Variants in KIDINS220 observed in about 807,000 individuals in gnomAD.
The protein encoded by KIDINS220 is kinase D interacting substrate 220.
In KIDINS220, 63 loss-of-function variants were observed where a neutral mutation model predicts 157.6. That is an observed-to-expected ratio of 0.40 (90% CI 0.33 to 0.49). The LOEUF is 0.49. Ranked by LOEUF, KIDINS220 falls within the 20% of genes least tolerant of loss-of-function variation. The pLI is 0.66. For synonymous variants in KIDINS220, 732 were observed against 783.6 expected (o/e 0.93, Z 1.10); for missense variants, 1,772 against 2,171.2 (o/e 0.82, Z 3.65).
At position 8,733,409 on chromosome 2, in the gene KIDINS220, C is replaced by A. The variant is rs762869967; in HGVS notation, c.4053+35G>T. 5.6e-5 allele frequency: 86 copies of A among 1,533,724 alleles called. No individual in the cohort carries two copies. In the South Asian group the frequency reaches 5.9e-4, roughly 10 times the overall value. ...CAGTGAACTGAACGGTGTGCTTATTCTTCAATAATATGAAAAATGCCATTC... is the reference window on the plus strand; with the variant it reads ...CAGTGAACTGAACGGTGTGCTTATTATTCAATAATATGAAAAATGCCATTC... On this transcript the variant is annotated intron_variant, in intron 29 of 29. Transcript: ENST00000256707.
chr2:8,823,618 C>T (rs528856285), intron 2 of KIDINS220, among the ~76,000 whole-genome samples: 34 of 152,226 alleles, frequency 2.2e-4, no homozygotes, highest in African/African-American at 8.2e-4. Flanking sequence ...CAGTGCTTTA[C>T]TCCTTATAGC....
At chr2:8,831,082 G>A (rs1679546690) in intron 1 of KIDINS220, among the ~76,000 whole-genome samples, 1 of 152,202 alleles carries the variant, frequency 6.6e-6, no homozygotes, top group South Asian at 2.1e-4. Flanking sequence ...CCAAGGTTGG[G>A]AGGACAGATG....
intron 22 of KIDINS220, among the ~76,000 whole-genome samples, chr2:8,756,948 T>TA (rs986648377): frequency 6.6e-6 from 1 of 152,214 alleles, no homozygotes; most frequent in Non-Finnish European, 1.5e-5. Flanking sequence ...TAGCTGCAGA[T>TA]AAGTCAGTAA....
chr2:8,810,556 C>T (rs531426861), intron 6 of KIDINS220, among the ~76,000 whole-genome samples: 1 of 152,252 alleles, frequency 6.6e-6, no homozygotes. Flanking sequence ...GAGGCCAAGG[C>T]GGGTGGATCA....
At chr2:8,800,157 G>A in intron 9 of KIDINS220, 1 of 393,696 alleles carries the variant, frequency 2.5e-6, no homozygotes, top group Non-Finnish European at 4.5e-6. Context: ...ATACCCATTA[G>A]TAAGGACAGT....
Position 8,747,187 on chromosome 2 carries a change from C to T in KIDINS220, c.3543G>A (p.Glu1181=). The change falls in exon 26 of 30, where the codon GAG becomes GAA. Residue 1181 remains glutamate, a synonymous_variant. Coordinates refer to ENST00000256707, the MANE Select transcript of KIDINS220 (RefSeq NM_020738.4). ...DQNNGLEVIK[E]DAAEGLSSPT... Reference sequence around the variant, plus strand: ...GTGAAGAAAGCCCCTCAGCAGCATCCTCCTTGATAACTTCCTAACAACACA... The same window carrying T: ...GTGAAGAAAGCCCCTCAGCAGCATCTTCCTTGATAACTTCCTAACAACACA... 1 of 1,614,132 alleles carries T rather than the reference C, an allele frequency of 6.2e-7. No individual in the cohort carries two copies. Among genetic ancestry groups the T allele is most frequent in the Non-Finnish European group, 8.5e-7 (1 of 1,180,028 alleles).
chr2:8,799,810 A>G (rs895769963), intron 9 of KIDINS220, among the ~76,000 whole-genome samples: 3 of 152,222 alleles, frequency 2.0e-5, no homozygotes, highest in Non-Finnish European at 4.4e-5. Context: ...AGACGCCAAG[A>G]ACTTTTTCTA....
chr2:8,729,193 T>C lies in KIDINS220; in HGVS notation c.*1527A>G. 1 of 984,608 alleles carries C rather than the reference T, an allele frequency of 1.0e-6. No individual in the cohort carries two copies. The highest frequency in any genetic ancestry group is 1.7e-5 in the African/African-American group (1 of 57,316). 61.0% of individuals were successfully genotyped at this position (984,608 alleles called of 1,614,324 possible). A position where few individuals can be genotyped will look rare whatever the true frequency, so the allele number is the denominator to read the frequency against. On this transcript the variant is annotated 3_prime_UTR_variant, in exon 30 of 30. Transcript: ENST00000256707. ...TGCTTAAAACATTTGTTAAAGATCA[T>C]GCAAAATAAACACTGTATTAAAATG...
At chr2:8,783,985 A>G (rs1672052613) in intron 17 of KIDINS220, among the ~76,000 whole-genome samples, 2 of 152,196 alleles carry the variant, frequency 1.3e-5, no homozygotes, top group South Asian at 4.1e-4. Context: ...GGAGGAGAAC[A>G]AAATAGGAGG....
chr2:8,786,336 A>G lies in KIDINS220; in HGVS notation c.1809T>C (p.Asn603=), dbSNP rs538280280. 2 of 1,613,416 alleles carry G rather than the reference A, an allele frequency of 1.2e-6. No homozygotes were observed. The highest frequency in any genetic ancestry group is 2.2e-5 in the East Asian group (1 of 44,872). Residue 603 remains asparagine (N), a synonymous_variant, in exon 16 of 30, where the codon AAT becomes AAC. Coordinates refer to ENST00000256707, the MANE Select transcript of KIDINS220 (RefSeq NM_020738.4). The part of the protein sequence containing the change: ...LPVRFLFTDY[N]RLSSVGGETS... ...TTTCTCCACCTACACTGGACAGTCT[A>G]TTGTAATCTGTAAACAAAAACCTTG...
intron 2 of KIDINS220, among the ~76,000 whole-genome samples, chr2:8,820,731 AATC>A (rs1285592779): frequency 6.6e-6 from 1 of 152,196 alleles, no homozygotes; most frequent in Non-Finnish European, 1.5e-5. Flanking sequence ...CTTTTATGAT[AATC>A]ATCACTCTGA....
At chr2:8,770,157 A>C (rs914636485) in intron 22 of KIDINS220, among the ~76,000 whole-genome samples, 8 of 152,208 alleles carry the variant, frequency 5.3e-5, no homozygotes, top group Non-Finnish European at 1.0e-4. Flanking sequence ...TAATCCCAGC[A>C]CTTTGGGAGG....
intron 22 of KIDINS220, chr2:8,757,073 A>G (rs1267189293): frequency 1.2e-5 from 2 of 170,390 alleles, no homozygotes; most frequent in African/African-American, 4.8e-5. Context: ...TACCCACACT[A>G]TTTCCTAGTC....
chr2:8,747,456 A>T (rs2148033956), intron 25 of KIDINS220: 2 of 525,728 alleles, frequency 3.8e-6, no homozygotes, highest in East Asian at 6.5e-5. Context: ...AATTTCCCTT[A>T]TCTTGTTTAA....
chr2:8,749,547 T>C, intron 24 of KIDINS220: 1 of 335,852 alleles, frequency 3.0e-6, no homozygotes. Context: ...GAAATTATCC[T>C]ATTTATATTA....
At chr2:8,784,245 T>C (rs1041848226) in intron 17 of KIDINS220, among the ~76,000 whole-genome samples, 1 of 148,136 alleles carries the variant, frequency 6.8e-6, no homozygotes, top group Non-Finnish European at 1.5e-5. Context: ...GAAAAGAATC[T>C]AGACACATTC....
Position 8,803,047 on chromosome 2 carries a change from A to G in KIDINS220, c.684T>C (p.Asn228=), listed in dbSNP as rs2148331660. 6.2e-7 allele frequency: 1 copy of G among 1,613,514 alleles called. No homozygotes were observed. Among genetic ancestry groups the G allele is most frequent in the Non-Finnish European group, 8.5e-7 (1 of 1,179,930 alleles). Residue 228 remains asparagine, a synonymous_variant, in exon 8 of 30, where the codon AAT becomes AAC. Transcript: ENST00000256707. The part of the protein sequence containing the change: ...SVKEILKRNP[N]VNLTDKDGNT... The stretch of plus-strand genomic sequence containing the variant: ...TTCCATCTTTATCTGTTAAGTTTAC[A>G]TTTGGATTCCTCTTCAAAATTTCTT...
rs1673585869 is a variant in KIDINS220 at position 8,794,144 on chromosome 2, C to T, written c.1099-157G>A. On this transcript the variant is annotated intron_variant, in intron 11 of 29. Transcript: ENST00000256707. Reference sequence around the variant, plus strand: ...ATATGAATTTTTATCTCTATCTTCCCCATAATATCCTTCTGTAGCTCCTCA... The same window carrying T: ...ATATGAATTTTTATCTCTATCTTCCTCATAATATCCTTCTGTAGCTCCTCA... 5.9e-6 allele frequency: 3 copies of T among 509,190 alleles called. No individual in the cohort carries two copies. The South Asian group carries it at 1.0e-4, about 18-fold the overall frequency. The allele number at this position is 509,190 out of a possible 1,614,324, so 31.5% of individuals were successfully genotyped here. A position where few individuals can be genotyped will look rare whatever the true frequency, so the allele number is the denominator to read the frequency against.
intron 21 of KIDINS220, 47 bp from the exon 22 acceptor site, chr2:8,770,879 G>A (rs766413580): frequency 1.7e-6 from 2 of 1,198,806 alleles, no homozygotes; most frequent in Non-Finnish European, 1.2e-6. Context: ...ATGTGTGATA[G>A]TATGTTAAGT....
Sources: gnomAD v4.1 joint callset for allele counts (sites outside exome capture counted in the v4.1 genomes callset) on GRCh38, gnomAD v4.1.1 for gene constraint, MANE v1.5 for transcripts, NCBI Gene and HGNC (gene_info 2026-07-23, HGNC 2026-07-21) for gene names.